The following PGBD2 variants were observed in gnomAD, a reference collection of about 807,000 sequenced individuals.
PGBD2 encodes piggyBac transposable element-derived protein 2.
PGBD2 carries 6 observed loss-of-function variants against 8.1 expected under a neutral mutation model. The ratio of observed to expected loss-of-function variants is 0.74; its 90% confidence interval spans 0.40 to 1.46. The LOEUF (loss-of-function observed/expected upper bound fraction) is 1.46, where lower values mean the gene tolerates loss of function less well. PGBD2 is among the 40% of genes most tolerant of loss of function. The pLI is 0.02. For synonymous variants in PGBD2, 318 were observed against 272.2 expected, an observed-to-expected ratio of 1.17 and a Z score of -1.66; for missense variants, 802 against 739.0, an observed-to-expected ratio of 1.09 and a Z score of -0.99.
the PGBD2 span, among the ~76,000 whole-genome samples, chr1:248,895,300 T>G: frequency 5.9e-5 from 9 of 152,090 alleles, no homozygotes; most frequent in Non-Finnish European, 8.8e-5. Flanking sequence ...GTGCTAGGCC[T>G]CCTCTTTGGT....
the PGBD2 span, among the ~76,000 whole-genome samples, chr1:248,885,630 A>C: frequency 6.6e-6 from 1 of 152,202 alleles, no homozygotes; most frequent in Non-Finnish European, 1.5e-5. Flanking sequence ...TAGTGAGGGT[A>C]GGGACCCCAG....
downstream of PGBD2, among the ~76,000 whole-genome samples, chr1:248,923,917 C>G (rs191898420): frequency 1.3e-5 from 2 of 152,156 alleles, no homozygotes; most frequent in Non-Finnish European, 2.9e-5. Flanking sequence ...AAGACAGCTC[C>G]TAGTTGGAAA....
At position 248,916,741 on chromosome 1, in the gene PGBD2, G is replaced by A. The variant is rs900081793; in HGVS notation, c.157G>A (p.Glu53Lys). Reference sequence around the variant, plus strand: ...TGCACCTCCCGACAATGCTGCGGGGGAATTCACTGATGAGGACTCAGGGGA... The same window carrying A: ...TGCACCTCCCGACAATGCTGCGGGGAAATTCACTGATGAGGACTCAGGGGA... The part of the protein sequence containing the change: ...FIAPPDNAAG[E>K]FTDEDSGDED... Residue 53 changes from glutamate to lysine, a missense_variant, in exon 3 of 3, where the codon GAA (glutamate) becomes AAA (lysine). Physicochemically the swap from Glu to Lys is moderately conservative, Grantham distance 56 (BLOSUM62 1). Transcript: ENST00000329291. 1.9e-6 allele frequency: 3 copies of A among 1,614,066 alleles called. No homozygotes were observed. Among genetic ancestry groups the A allele is most frequent in the Non-Finnish European group, 1.7e-6 (2 of 1,180,046 alleles).
At position 248,917,961 on chromosome 1, in the gene PGBD2, G is replaced by T. The variant is rs369511867; in HGVS notation, c.1377G>T (p.Lys459Asn). 6.2e-7 allele frequency: 1 copy of T among 1,614,214 alleles called. No individual in the cohort carries two copies. Among genetic ancestry groups the T allele is most frequent in the Admixed American group, 1.7e-5 (1 of 60,018 alleles). The part of the protein sequence containing the change: ...QPSLVKLYQE[K>N]VGGVGRMDQN... ...CACTGGTGAAGCTGTATCAGGAGAA[G>T]GTGGGTGGCGTTGGTAGGATGGATC... The change falls in exon 3 of 3, where the codon AAG becomes AAT. Residue 459 changes from lysine to asparagine, a missense_variant. Coordinates refer to ENST00000329291, the MANE Select transcript of PGBD2 (RefSeq NM_170725.3).
At chr1:248,906,154 T>A (rs1400140253), upstream of PGBD2, 1 of 151,354 alleles carries the variant, frequency 6.6e-6, no homozygotes, top group Non-Finnish European at 1.5e-5. Flanking sequence ...GGAGTCTCGA[T>A]GGTCGCTCGG....
chr1:248,927,030 C>T, the PGBD2 span, among the ~76,000 whole-genome samples: 1 of 152,042 alleles, frequency 6.6e-6, no homozygotes, highest in African/African-American at 2.4e-5. Context: ...GTGACTCATG[C>T]AAGCTTAGGC....
At chr1:248,873,828 T>A in the PGBD2 span, among the ~76,000 whole-genome samples, 1 of 152,216 alleles carries the variant, frequency 6.6e-6, no homozygotes, top group Non-Finnish European at 1.5e-5. Context: ...AGTATGAGGC[T>A]AAGTGAGAAG....
Position 248,918,373 on chromosome 1 carries a change from A to G in PGBD2, c.*10A>G. On this transcript the variant is annotated 3_prime_UTR_variant, in exon 3 of 3. Coordinates refer to ENST00000329291, the MANE Select transcript of PGBD2 (RefSeq NM_170725.3). ...GTACCACATCCGGTGACATCATGAG[A>G]CATGCTTCTTTGGTTTATAATGAGA... 2.6e-6 allele frequency: 4 copies of G among 1,526,604 alleles called. No homozygotes were observed. Among genetic ancestry groups the G allele is most frequent in the Non-Finnish European group, 3.5e-6 (4 of 1,138,584 alleles). 94.6% of individuals were successfully genotyped at this position (1,526,604 alleles called of 1,614,324 possible). A position where few individuals can be genotyped will look rare whatever the true frequency, so the allele number is the denominator to read the frequency against.
upstream of PGBD2, among the ~76,000 whole-genome samples, chr1:248,902,182 T>C (rs1417580811): frequency 2.0e-5 from 3 of 151,890 alleles, no homozygotes; most frequent in East Asian, 5.8e-4. Context: ...GGCAGGAGAA[T>C]TGCTTGAACC....
the PGBD2 span, among the ~76,000 whole-genome samples, chr1:248,925,131 C>T: frequency 3.9e-5 from 6 of 152,070 alleles, no homozygotes; most frequent in Non-Finnish European, 5.9e-5. Flanking sequence ...CTCAGCGCTG[C>T]CACAGGGAGC....
Position 248,916,763 on chromosome 1 carries a change from G to A in PGBD2, c.179G>A (p.Gly60Glu), listed in dbSNP as rs761785736. Residue 60 changes from glycine to glutamate, a missense_variant, in exon 3 of 3, where the codon GGG (glycine) becomes GAG (glutamate). Physicochemically the swap from Gly to Glu is moderately conservative, Grantham distance 98. Coordinates refer to ENST00000329291, the MANE Select transcript of PGBD2 (RefSeq NM_170725.3). ...GGGGAATTCACTGATGAGGACTCAG[G>A]GGATGAAGACAGCCAGCGAGGTGCT... ...AAGEFTDEDS[G>E]DEDSQRGAHL... is the part of the protein sequence containing the mutation. 2 of 1,614,042 alleles carry A rather than the reference G, an allele frequency of 1.2e-6. No individual in the cohort carries two copies. The highest frequency in any genetic ancestry group is 1.7e-6 in the Non-Finnish European group (2 of 1,180,032).
At chr1:248,903,652 G>A (rs1296039338), upstream of PGBD2, among the ~76,000 whole-genome samples, 7 of 152,146 alleles carry the variant, frequency 4.6e-5, no homozygotes, top group Admixed American at 4.6e-4. Flanking sequence ...AATCATGGGC[G>A]CTTGGGAGTT....
chr1:248,916,060 G>A (rs1468741574), intron 2 of PGBD2, among the ~76,000 whole-genome samples: 1 of 152,130 alleles, frequency 6.6e-6, no homozygotes, highest in Non-Finnish European at 1.5e-5. Flanking sequence ...AAGAAGGAAA[G>A]GAAGTAGGTA....
At chr1:248,884,780 C>T in the PGBD2 span, among the ~76,000 whole-genome samples, 2 of 152,110 alleles carry the variant, frequency 1.3e-5, no homozygotes, top group Admixed American at 6.5e-5. Flanking sequence ...CTGTCTAAAA[C>T]TTGGAGTCAG....
At chr1:248,904,440 C>T (rs1661584810), upstream of PGBD2, among the ~76,000 whole-genome samples, 1 of 152,138 alleles carries the variant, frequency 6.6e-6, no homozygotes. Flanking sequence ...TAAACACTTA[C>T]ACTTGGTCCC....
chr1:248,914,769 C>G (rs1572278091), intron 2 of PGBD2, among the ~76,000 whole-genome samples: 1 of 152,298 alleles, frequency 6.6e-6, no homozygotes. Flanking sequence ...GGTTCACCCC[C>G]ACCCCTGGGG....
At chr1:248,910,704 G>C (rs1260852166) in intron 1 of PGBD2, among the ~76,000 whole-genome samples, 1 of 152,194 alleles carries the variant, frequency 6.6e-6, no homozygotes, top group Admixed American at 6.5e-5. Context: ...AGGGGAGCTG[G>C]AGCCCCACAG....
chr1:248,873,905 C>CT, the PGBD2 span, among the ~76,000 whole-genome samples: 2 of 152,210 alleles, frequency 1.3e-5, no homozygotes, highest in South Asian at 2.1e-4. Context: ...AAGCACCTTG[C>CT]CTGCGGGCTT....
intron 1 of PGBD2, among the ~76,000 whole-genome samples, chr1:248,913,322 T>A (rs1661977198): frequency 6.6e-6 from 1 of 152,212 alleles, no homozygotes; most frequent in Admixed American, 6.5e-5. Flanking sequence ...TGGGTATTTA[T>A]AGTTATATAA....
Sources: gnomAD v4.1 joint callset for allele counts (sites outside exome capture counted in the v4.1 genomes callset) on GRCh38, gnomAD v4.1.1 for gene constraint, MANE v1.5 for transcripts, NCBI Gene and HGNC (gene_info 2026-07-23, HGNC 2026-07-21) for gene names.